The following ABCA5 variants were observed in gnomAD, a reference collection of about 807,000 sequenced individuals.
ABCA5 encodes ATP binding cassette subfamily A member 5.
A neutral mutation model predicts 206.0 loss-of-function variants in ABCA5; 163 were observed. The observed-to-expected ratio is 0.79, with a 90% CI of 0.70 to 0.90. The LOEUF (loss-of-function observed/expected upper bound fraction) is 0.90, where lower values mean the gene tolerates loss of function less well. Ranked by LOEUF, ABCA5 falls within the 40% of genes least tolerant of loss-of-function variation. The probability of loss-of-function intolerance (pLI) is 0.00; values close to 1 mark genes in which losing one functional copy is unlikely to be tolerated. For missense variants in ABCA5, 1,859 were observed against 1,912.9 expected (o/e 0.97, Z 0.53); for synonymous variants, 609 against 613.8 (o/e 0.99, Z 0.11).
chr17:69,287,158 G>T (rs1043338768), intron 15 of ABCA5, among the ~76,000 whole-genome samples: 2 of 152,214 alleles, frequency 1.3e-5, no homozygotes, highest in Admixed American at 1.3e-4. Flanking sequence ...CACCCAATAA[G>T]AATCTTGAAC....
intron 7 of ABCA5, among the ~76,000 whole-genome samples, chr17:69,303,827 T>TACACACATATATATATACATAC (rs1491212397): frequency 0.019 from 194 of 10,188 alleles, 28 homozygotes; most frequent in Non-Finnish European, 0.034. Flanking sequence ...TATATATATG[T>TACACACATATATATATACATAC]ATATATATAT....
chr17:69,275,810 G>C (rs911890988), intron 19 of ABCA5, among the ~76,000 whole-genome samples: 1 of 152,146 alleles, frequency 6.6e-6, no homozygotes, highest in Non-Finnish European at 1.5e-5. Context: ...ATCTGCATCA[G>C]ATGGCATCAT....
rs891613526 is a variant in ABCA5 at position 69,313,028 on chromosome 17, C to A, written c.307+64G>T. 2.6e-6 allele frequency: 3 copies of A among 1,132,104 alleles called. No homozygotes were observed. In the African/African-American group the frequency reaches 4.9e-5, roughly 19 times the overall value. 70.1% of individuals were successfully genotyped at this position (1,132,104 alleles called of 1,614,324 possible). On this transcript the variant is annotated intron_variant, in intron 3 of 38. Transcript: ENST00000392676. ...TAAGACTGCTATTCATTCAATAAAG[C>A]AAGCTGATAAATATTGAAAAGGCTT...
chr17:69,246,614 AG>A lies in ABCA5; in HGVS notation c.*922del, dbSNP rs1297200008. On this transcript the variant is annotated 3_prime_UTR_variant, in exon 39 of 39. Coordinates refer to ENST00000392676, the MANE Select transcript of ABCA5 (RefSeq NM_172232.4). The stretch of plus-strand genomic sequence containing the variant: ...CACACTGATCTACTTACAATTTTAT[AG>A]AAGAGATTCACTAAAGTTTACCAAT... 6.6e-6 allele frequency: 1 copy of A among 151,932 alleles called. No individual in the cohort carries two copies. The highest frequency in any genetic ancestry group is 1.5e-5 in the Non-Finnish European group (1 of 67,806). The allele number at this position is 151,932 out of a possible 1,614,324, so 9.4% of individuals were successfully genotyped here.
chr17:69,264,220 A>G (rs1363873873), intron 24 of ABCA5, among the ~76,000 whole-genome samples: 1 of 151,978 alleles, frequency 6.6e-6, no homozygotes, highest in Non-Finnish European at 1.5e-5. Context: ...TCCTTCACCA[A>G]TGTTTTGTAG....
chr17:69,263,785 C>T (rs1208576799), intron 24 of ABCA5, among the ~76,000 whole-genome samples: 2 of 147,716 alleles, frequency 1.4e-5, no homozygotes, highest in East Asian at 4.0e-4. Context: ...CAACCTCTAC[C>T]TCCCCGGTTC....
chr17:69,320,039 T>C (rs7225147), intron 1 of ABCA5, among the ~76,000 whole-genome samples: 2 of 152,184 alleles, frequency 1.3e-5, no homozygotes, highest in East Asian at 3.8e-4. Flanking sequence ...ACCTACCTCT[T>C]TGGGTTGTTA....
At chr17:69,271,660 C>CACCACTGCTGCT (rs1555577660) in intron 20 of ABCA5, among the ~76,000 whole-genome samples, 1 of 151,864 alleles carries the variant, frequency 6.6e-6, no homozygotes, top group African/African-American at 2.4e-5. Context: ...CTGCTGCTGC[C>CACCACTGCTGCT]ACCACTGCTG....
chr17:69,288,546 AC>A (rs2075486757), intron 14 of ABCA5, among the ~76,000 whole-genome samples: 1 of 152,022 alleles, frequency 6.6e-6, no homozygotes, highest in Admixed American at 6.6e-5. Context: ...TTTTTTGGCC[AC>A]ATTTTCTTCA....
At position 69,315,592 on chromosome 17, in the gene ABCA5, G is replaced by T. The variant is rs1188004070; in HGVS notation, c.-15-1162C>A. ...GAAGTCAGGAGTTTGAGACCAGCCT[G>T]ACCAACATGGTGAAACCCTGTCTCT... On this transcript the variant is annotated intron_variant, in intron 1 of 38. Transcript: ENST00000392676. Among the ~76,000 whole-genome samples the T allele has an allele frequency of 2.0e-5, 3 of 152,136 alleles. No homozygotes were observed. In the South Asian group the frequency reaches 6.2e-4, roughly 32 times the overall value.
chr17:69,308,708 A>C (rs898923977), intron 4 of ABCA5, among the ~76,000 whole-genome samples: 1 of 152,198 alleles, frequency 6.6e-6, no homozygotes, highest in Admixed American at 6.5e-5. Flanking sequence ...TTCCAGAAGC[A>C]AGGAAAAGTC....
At chr17:69,303,093 A>G (rs892751644) in intron 7 of ABCA5, among the ~76,000 whole-genome samples, 187 bp from the exon 8 acceptor site, 9 of 152,154 alleles carry the variant, frequency 5.9e-5, no homozygotes, top group African/African-American at 2.2e-4. Context: ...TTAAAAATTT[A>G]AACTAACAAA....
rs1442463871 is a variant in ABCA5 at position 69,276,253 on chromosome 17, A to T, written c.2594+1388T>A. Among the ~76,000 whole-genome samples the T allele has an allele frequency of 2.0e-5, 3 of 151,784 alleles. No individual in the cohort carries two copies. In the South Asian group the frequency reaches 6.3e-4, roughly 32 times the overall value. On this transcript the variant is annotated intron_variant, in intron 19 of 38. Coordinates refer to ENST00000392676, the MANE Select transcript of ABCA5 (RefSeq NM_172232.4). ...AGGCGCCCACCACCACACCCAGCTA[A>T]TTTTTTTATATTTTTAGTAGAGACG...
rs78862268 is a variant in ABCA5, at chr17:69,297,446, C to G, written c.1268-87G>C. 4,378 of 1,253,402 alleles carry G rather than the reference C, an allele frequency of 3.5e-3. 122 individuals carry two copies. In the African/African-American group the frequency reaches 0.057, roughly 16 times the overall value. 77.6% of individuals were successfully genotyped at this position (1,253,402 alleles called of 1,614,324 possible). ...ATTTCAAACATATGACAACCTGCAT[C>G]TAAAGTTTAGGTACCATTCCGCAAC... On this transcript the variant is annotated intron_variant, in intron 9 of 38. Transcript: ENST00000392676.
At chr17:69,296,787 A>G (rs1238917842) in intron 10 of ABCA5, among the ~76,000 whole-genome samples, 1 of 152,174 alleles carries the variant, frequency 6.6e-6, no homozygotes, top group Non-Finnish European at 1.5e-5. Context: ...CAACATGGTG[A>G]AACCCTGTCT....
At chr17:69,281,416 C>T (rs942807449) in intron 18 of ABCA5, among the ~76,000 whole-genome samples, 1 of 152,010 alleles carries the variant, frequency 6.6e-6, no homozygotes, top group African/African-American at 2.4e-5. Context: ...ATTAAGGCCA[C>T]GCACTTTCAA....
intron 23 of ABCA5, among the ~76,000 whole-genome samples, chr17:69,267,178 A>G (rs2075219408): frequency 6.6e-6 from 1 of 152,068 alleles, no homozygotes. Context: ...CCTGGCCTAC[A>G]ATTTATTTTT....
chr17:69,248,327 T>C lies in ABCA5; in HGVS notation c.4766-10A>G. The C allele has an allele frequency of 2.0e-6, 3 of 1,508,242 alleles. No individual in the cohort carries two copies. The highest frequency in any genetic ancestry group is 1.4e-5 in the African/African-American group (1 of 71,664). 93.4% of individuals were successfully genotyped at this position (1,508,242 alleles called of 1,614,324 possible). A position where few individuals can be genotyped will look rare whatever the true frequency, so the allele number is the denominator to read the frequency against. On this transcript the variant is annotated splice_polypyrimidine_tract_variant and intron_variant, in intron 37 of 38. Transcript: ENST00000392676. ...GCAAAAGCATGTTTAGCTATTAAAA[T>C]ATAAAAATAGTATTTTACTTATCAA...
intron 7 of ABCA5, among the ~76,000 whole-genome samples, chr17:69,303,524 G>A (rs1406779640): frequency 6.7e-6 from 1 of 150,026 alleles, no homozygotes; most frequent in Non-Finnish European, 1.5e-5. Flanking sequence ...GCAGTAAGAT[G>A]CATAAAATAT....
Sources: allele counts gnomAD v4.1 joint callset (sites outside exome capture counted in the v4.1 genomes callset), GRCh38; gene constraint gnomAD v4.1.1; transcripts MANE v1.5; gene names NCBI Gene and HGNC (gene_info 2026-07-23, HGNC 2026-07-21).